Variants in MDFIC2 observed in about 807,000 individuals in gnomAD.
The protein encoded by MDFIC2 is MyoD family inhibitor domain containing 2, also known as myoD family inhibitor domain-containing protein 2.
chr3:70,265,565 T>C (rs1028506049), intron 2 of MDFIC2, among the ~76,000 whole-genome samples: 4 of 150,328 alleles, frequency 2.7e-5, no homozygotes, highest in Non-Finnish European at 3.0e-5. Flanking sequence ...TAGGGTGGGG[T>C]TGCATTATCA....
chr3:70,197,274 A>T (rs1022051892), intron 3 of MDFIC2, 89 bp from the exon 4 acceptor site: 7 of 397,494 alleles, frequency 1.8e-5, no homozygotes, highest in Non-Finnish European at 2.7e-5. Flanking sequence ...TGATAACTTG[A>T]TAGCCAACTC....
intron 2 of MDFIC2, among the ~76,000 whole-genome samples, chr3:70,235,843 G>C (rs1701601172): frequency 6.6e-6 from 1 of 152,144 alleles, no homozygotes; most frequent in Non-Finnish European, 1.5e-5. Flanking sequence ...AGGTTGATGT[G>C]CTACTTAAAT....
intron 2 of MDFIC2, among the ~76,000 whole-genome samples, chr3:70,209,260 C>T (rs1228844119): frequency 2.0e-5 from 3 of 151,906 alleles, no homozygotes; most frequent in Non-Finnish European, 2.9e-5. Flanking sequence ...GTCTTTTATC[C>T]ACTAGATGCT....
intron 2 of MDFIC2, among the ~76,000 whole-genome samples, chr3:70,226,516 T>A (rs1244909250): frequency 1.3e-5 from 2 of 152,108 alleles, no homozygotes; most frequent in Admixed American, 1.3e-4. Flanking sequence ...GGCATGTGGA[T>A]TACCTGAGGT....
At chr3:70,241,110 G>T (rs1028235201) in intron 2 of MDFIC2, among the ~76,000 whole-genome samples, 2 of 152,094 alleles carry the variant, frequency 1.3e-5, no homozygotes, top group South Asian at 4.1e-4. Flanking sequence ...TTCTGTTCAT[G>T]GATGGAGTAC....
chr3:70,306,684 A>G (rs1702404274), intron 2 of MDFIC2, among the ~76,000 whole-genome samples: 1 of 152,180 alleles, frequency 6.6e-6, no homozygotes, highest in African/African-American at 2.4e-5. Flanking sequence ...GAAGATTGCA[A>G]AACTACTGCT....
At chr3:70,222,346 C>T (rs1427555812) in intron 2 of MDFIC2, among the ~76,000 whole-genome samples, 1 of 152,134 alleles carries the variant, frequency 6.6e-6, no homozygotes, top group Admixed American at 6.5e-5. Context: ...CTCATTTTAG[C>T]TCATTGCTAA....
intron 2 of MDFIC2, among the ~76,000 whole-genome samples, chr3:70,232,834 C>T (rs562477033): frequency 6.6e-6 from 1 of 152,218 alleles, no homozygotes; most frequent in African/African-American, 2.4e-5. Flanking sequence ...TGATTCTCTC[C>T]TTTGTACAGA....
chr3:70,229,487 C>T (rs1192246880), intron 2 of MDFIC2, among the ~76,000 whole-genome samples: 1 of 152,086 alleles, frequency 6.6e-6, no homozygotes, highest in African/African-American at 2.4e-5. Context: ...TCTGGGCACA[C>T]GGTTAAACTA....
intron 2 of MDFIC2, among the ~76,000 whole-genome samples, chr3:70,239,196 C>T (rs758944925): frequency 2.6e-5 from 4 of 152,120 alleles, no homozygotes; most frequent in Non-Finnish European, 5.9e-5. Flanking sequence ...ATGTTGAGTA[C>T]GTACTCAGTT....
At chr3:70,215,952 G>A (rs1701405595) in intron 2 of MDFIC2, among the ~76,000 whole-genome samples, 1 of 151,912 alleles carries the variant, frequency 6.6e-6, no homozygotes. Flanking sequence ...GTCTTTTGTG[G>A]TAAAACACAT....
chr3:70,309,558 C>T lies in MDFIC2; in HGVS notation c.88+2328G>A, dbSNP rs577712318. 1.9e-3 allele frequency among the ~76,000 whole-genome samples: 289 copies of T among 152,240 alleles called. 1 individual carries two copies. The highest frequency in any genetic ancestry group is 6.5e-3 in the African/African-American group (271 of 41,546). ...AAAGTAACATGGCACAATCACCCAG[C>T]TAGTAGATGGCTGAGCTGAGATTTA... On this transcript the variant is annotated intron_variant, in intron 2 of 3. Transcript: ENST00000567252.
Position 70,229,957 on chromosome 3 carries a change from A to G in MDFIC2, c.89-23167T>C, listed in dbSNP as rs73838080. On this transcript the variant is annotated intron_variant, in intron 2 of 3. Transcript: ENST00000567252. ...ATTATGGAATTATAATGATACAAAT[A>G]TTTAATATTTATTGAATTCTAAGAT... Among the ~76,000 whole-genome samples the G allele has an allele frequency of 3.4e-3, 523 of 152,300 alleles. 7 individuals are homozygous for G. Among genetic ancestry groups the G allele is most frequent in the African/African-American group, 0.012 (505 of 41,562 alleles).
At chr3:70,230,131 G>A (rs1701544065) in intron 2 of MDFIC2, among the ~76,000 whole-genome samples, 1 of 152,134 alleles carries the variant, frequency 6.6e-6, no homozygotes, top group Middle Eastern at 3.2e-3. Context: ...AATTAAAAAT[G>A]GTCAGGCCGA....
At position 70,194,838 on chromosome 3, in the gene MDFIC2, G is replaced by C. The variant is rs1448437437; in HGVS notation, c.*2088C>G. ...CCAGGTACCATATTATAGGAATAGG[G>C]TTCCAGAGACCCCCAGGTGTTCCTC... On this transcript the variant is annotated 3_prime_UTR_variant, in exon 4 of 4. Transcript: ENST00000567252. 2.0e-5 allele frequency among the ~76,000 whole-genome samples: 3 copies of C among 152,140 alleles called. No homozygotes were observed. The South Asian group carries it at 6.2e-4, about 32-fold the overall frequency.
At position 70,195,133 on chromosome 3, in the gene MDFIC2, A is replaced by C. The variant is rs1043286208; in HGVS notation, c.*1793T>G. 6.6e-6 allele frequency among the ~76,000 whole-genome samples: 1 copy of C among 152,186 alleles called. No homozygotes were observed. Among genetic ancestry groups the C allele is most frequent in the Non-Finnish European group, 1.5e-5 (1 of 68,042 alleles). On this transcript the variant is annotated 3_prime_UTR_variant, in exon 4 of 4. Coordinates refer to ENST00000567252, the MANE Select transcript of MDFIC2 (RefSeq NM_001364677.1). The stretch of plus-strand genomic sequence containing the variant: ...TGTGTGGTCTTGAATAAGTCAGTTC[A>C]TGGGGCCTCTCTTTTCCCCTGTGAA...
At chr3:70,294,679 T>C (rs1209012271) in intron 2 of MDFIC2, among the ~76,000 whole-genome samples, 2 of 152,168 alleles carry the variant, frequency 1.3e-5, no homozygotes, top group Non-Finnish European at 2.9e-5. Flanking sequence ...ATGACTCATA[T>C]ATCCATTTTA....
intron 2 of MDFIC2, among the ~76,000 whole-genome samples, chr3:70,225,419 A>T (rs1301497539): frequency 2.6e-5 from 4 of 152,074 alleles, no homozygotes; most frequent in African/African-American, 4.8e-5. Flanking sequence ...TATTATTCAC[A>T]TTGATCTTTT....
At chr3:70,245,052 A>G (rs1203396589) in intron 2 of MDFIC2, among the ~76,000 whole-genome samples, 2 of 152,128 alleles carry the variant, frequency 1.3e-5, no homozygotes, top group Admixed American at 6.6e-5. Flanking sequence ...AATTGCAATC[A>G]GGGATTTACA....
Sources: allele counts gnomAD v4.1 joint callset (sites outside exome capture counted in the v4.1 genomes callset), GRCh38; gene constraint gnomAD v4.1.1; transcripts MANE v1.5; gene names NCBI Gene and HGNC (gene_info 2026-07-23, HGNC 2026-07-21).